RAB31: variants seen among roughly 807,000 people sequenced by gnomAD.
The protein encoded by RAB31 is ras-related protein Rab-31.
In RAB31, 21 loss-of-function variants were observed where a neutral mutation model predicts 25.6. The observed-to-expected ratio is 0.82, with a 90% CI of 0.58 to 1.18. RAB31 has a LOEUF of 1.18. Ranked by LOEUF, RAB31 falls within the 50% of genes most tolerant of loss-of-function variation. The pLI is 0.00. For synonymous variants in RAB31, 87 were observed against 84.0 expected (o/e 1.04, Z -0.20); for missense variants, 196 against 250.1 (o/e 0.78, Z 1.46).
intron 3 of RAB31, among the ~76,000 whole-genome samples, chr18:9,810,904 T>C (rs141726674): frequency 5.3e-5 from 8 of 152,370 alleles, no homozygotes; most frequent in Non-Finnish European, 1.2e-4. Flanking sequence ...AAAGGATACT[T>C]AATCTGCGGT....
chr18:9,782,091 G>A (rs2068407742), intron 2 of RAB31, among the ~76,000 whole-genome samples: 1 of 152,150 alleles, frequency 6.6e-6, no homozygotes, highest in Non-Finnish European at 1.5e-5. Flanking sequence ...CACTCCGCAT[G>A]GGTGGCCAGG....
chr18:9,855,742 G>T (rs1392796703), intron 6 of RAB31, among the ~76,000 whole-genome samples: 1 of 152,092 alleles, frequency 6.6e-6, no homozygotes, highest in African/African-American at 2.4e-5. Context: ...CCTTCTCCCT[G>T]TGTTTAAGGT....
At chr18:9,724,078 C>A (rs188967688) in intron 1 of RAB31, among the ~76,000 whole-genome samples, 3,510 of 151,484 alleles carry the variant, frequency 0.023, 117 homozygotes, top group African/African-American at 0.081. Context: ...GAGACCATCC[C>A]GGCTAAAACG....
chr18:9,751,469 A>G (rs1412255533), intron 1 of RAB31, among the ~76,000 whole-genome samples: 2 of 152,192 alleles, frequency 1.3e-5, no homozygotes, highest in Non-Finnish European at 2.9e-5. Flanking sequence ...TGCAGATTTG[A>G]TACACTGAGC....
chr18:9,807,566 C>A (rs942322952), intron 3 of RAB31, among the ~76,000 whole-genome samples: 2 of 152,036 alleles, frequency 1.3e-5, no homozygotes, highest in Admixed American at 6.5e-5. Flanking sequence ...TGCCCTTGGA[C>A]GATTTCATGG....
chr18:9,716,599 C>T (rs1314007679), intron 1 of RAB31, among the ~76,000 whole-genome samples: 2 of 152,160 alleles, frequency 1.3e-5, no homozygotes, highest in Non-Finnish European at 2.9e-5. Context: ...ATGGAGGCGT[C>T]TGCCTCTTAT....
intron 3 of RAB31, 58 bp downstream of exon 3, chr18:9,792,293 T>C (rs1362747961): frequency 1.0e-5 from 16 of 1,553,492 alleles, no homozygotes; most frequent in Non-Finnish European, 1.3e-5. Flanking sequence ...GATCAGTTTC[T>C]GAAGGTTTGT....
At chr18:9,795,352 C>A (rs2068481780) in intron 3 of RAB31, among the ~76,000 whole-genome samples, 1 of 152,084 alleles carries the variant, frequency 6.6e-6, no homozygotes, top group Admixed American at 6.6e-5. Context: ...TGACCAAAAA[C>A]CCAAAAGCAA....
chr18:9,786,058 G>A (rs77969280), intron 2 of RAB31, among the ~76,000 whole-genome samples: 18 of 68,758 alleles, frequency 2.6e-4, no homozygotes, highest in African/African-American at 1.1e-3. Flanking sequence ...GAAAGAAAGA[G>A]AGAAAGAGAA....
At chr18:9,820,782 T>C (rs2068621206) in intron 5 of RAB31, among the ~76,000 whole-genome samples, 1 of 152,094 alleles carries the variant, frequency 6.6e-6, no homozygotes, top group South Asian at 2.1e-4. Flanking sequence ...TTGAAACTTC[T>C]CTCTTTTTTT....
At chr18:9,778,222 C>T (rs1568176754) in intron 2 of RAB31, among the ~76,000 whole-genome samples, 1 of 152,072 alleles carries the variant, frequency 6.6e-6, no homozygotes, top group Non-Finnish European at 1.5e-5. Flanking sequence ...GCTGTGCCAG[C>T]CCAGATTAAA....
intron 1 of RAB31, among the ~76,000 whole-genome samples, chr18:9,762,261 A>T (rs1487650925): frequency 6.6e-6 from 1 of 152,252 alleles, no homozygotes; most frequent in Admixed American, 6.5e-5. Context: ...TGCCTACTGC[A>T]ATTGTCATGA....
At chr18:9,840,956 C>T (rs986304405) in intron 5 of RAB31, among the ~76,000 whole-genome samples, 8 of 152,114 alleles carry the variant, frequency 5.3e-5, no homozygotes, top group African/African-American at 1.9e-4. Context: ...GAGACAGTAT[C>T]TCACTCTGTT....
intron 1 of RAB31, among the ~76,000 whole-genome samples, chr18:9,765,898 G>A (rs1373281990): frequency 2.0e-5 from 3 of 151,632 alleles, no homozygotes; most frequent in Non-Finnish European, 4.4e-5. Flanking sequence ...ATATAGGATT[G>A]GGGTTTTCTG....
intron 3 of RAB31, 140 bp downstream of exon 3, chr18:9,792,375 G>A (rs915528583): frequency 8.5e-6 from 12 of 1,409,958 alleles, no homozygotes; most frequent in Middle Eastern, 2.5e-4. Context: ...AAAAGAAAAT[G>A]TACTCATTAG....
At chr18:9,714,773 G>C (rs1169244167) in intron 1 of RAB31, among the ~76,000 whole-genome samples, 7 of 152,190 alleles carry the variant, frequency 4.6e-5, no homozygotes, top group African/African-American at 1.7e-4. Context: ...TAGACAGGAT[G>C]GCAGTGATTG....
At chr18:9,846,661 T>C (rs1599065506) in intron 6 of RAB31, among the ~76,000 whole-genome samples, 1 of 152,242 alleles carries the variant, frequency 6.6e-6, no homozygotes, top group Middle Eastern at 3.4e-3. Flanking sequence ...CCTGAGATCG[T>C]TTTTGGCAGA....
chr18:9,724,213 G>A (rs1013268950), intron 1 of RAB31, among the ~76,000 whole-genome samples: 3 of 126,716 alleles, frequency 2.4e-5, no homozygotes, highest in South Asian at 5.5e-4. Flanking sequence ...GGAGCTTGCA[G>A]TAAGCCGAGA....
chr18:9,850,679 T>C (rs2143145226), intron 6 of RAB31, among the ~76,000 whole-genome samples: 1 of 152,220 alleles, frequency 6.6e-6, no homozygotes, highest in Non-Finnish European at 1.5e-5. Flanking sequence ...GTTGTTAGTT[T>C]GAGAGCAAGG....
Sources: gnomAD v4.1 joint callset for allele counts (sites outside exome capture counted in the v4.1 genomes callset) on GRCh38, gnomAD v4.1.1 for gene constraint, MANE v1.5 for transcripts, NCBI Gene and HGNC (gene_info 2026-07-23, HGNC 2026-07-21) for gene names.